The following AKAP8L variants were observed in gnomAD, a reference collection of about 807,000 sequenced individuals.
The protein encoded by AKAP8L is A-kinase anchoring protein 8 like.
A neutral mutation model predicts 77.5 loss-of-function variants in AKAP8L; 34 were observed. The observed-to-expected ratio is 0.44, with a 90% confidence interval of 0.33 to 0.58. The LOEUF is 0.58. AKAP8L is among the 20% of genes least tolerant of loss of function. AKAP8L has a pLI of 0.02. For missense variants in AKAP8L, 806 were observed against 887.6 expected, an observed-to-expected ratio of 0.91 and a Z score of 1.17; for synonymous variants, 342 against 340.7, an observed-to-expected ratio of 1.00 and a Z score of -0.04.
At chr19:15,413,555 G>A (rs947995698) in intron 1 of AKAP8L, among the ~76,000 whole-genome samples, 2 of 152,184 alleles carry the variant, frequency 1.3e-5, no homozygotes, top group Non-Finnish European at 2.9e-5. Context: ...ATTCCTTCCA[G>A]GGATCTGGAC....
At position 15,418,259 on chromosome 19, in the gene AKAP8L, A is replaced by C. The variant is rs575926453; in HGVS notation, c.13+652T>G. The stretch of plus-strand genomic sequence containing the variant: ...TTGAGGAATTCTTGTCTGTATTCCC[A>C]ATACCCAGTCTGTACCGGACACGGT... On this transcript the variant is annotated intron_variant, in intron 1 of 13. Coordinates refer to ENST00000397410, the MANE Select transcript of AKAP8L (RefSeq NM_014371.4). Among the ~76,000 whole-genome samples the C allele has an allele frequency of 1.1e-3, 168 of 152,346 alleles. 2 individuals carry two copies. The highest frequency in any genetic ancestry group is 2.2e-3 in the Non-Finnish European group (152 of 68,038).
intron 12 of AKAP8L, among the ~76,000 whole-genome samples, chr19:15,385,996 C>T (rs934636905): frequency 2.6e-5 from 4 of 151,618 alleles, no homozygotes; most frequent in African/African-American, 4.9e-5. Context: ...CTGCAACCTC[C>T]GCCTCCTGGG....
Position 15,401,055 on chromosome 19 carries a change from G to C in AKAP8L, c.817-12C>G, listed in dbSNP as rs200218882. ...TTCTTCTTCTTGGTCTGGGTCATAA[G>C]GGGGGGAAGCCGTGTCAGGGTGCAT... On this transcript the variant is annotated splice_polypyrimidine_tract_variant and intron_variant, in intron 5 of 13. Coordinates refer to ENST00000397410, the MANE Select transcript of AKAP8L (RefSeq NM_014371.4). The surrounding 1 kb of genome is among the most constrained non-coding windows in gnomAD (Gnocchi z 6.2). 29 of 1,611,052 alleles carry C rather than the reference G, an allele frequency of 1.8e-5. No homozygotes were observed. The highest frequency in any genetic ancestry group is 9.9e-5 in the South Asian group (9 of 91,070).
At chr19:15,413,458 G>A (rs1968144952) in intron 1 of AKAP8L, among the ~76,000 whole-genome samples, 1 of 152,168 alleles carries the variant, frequency 6.6e-6, no homozygotes, top group Admixed American at 6.5e-5. Context: ...AGTAGGGACT[G>A]GGACTTGAGG....
chr19:15,412,149 A>C (rs938694291), intron 1 of AKAP8L, among the ~76,000 whole-genome samples: 3 of 152,214 alleles, frequency 2.0e-5, no homozygotes, highest in African/African-American at 7.2e-5. Flanking sequence ...CAGAGGTTGC[A>C]GTGAGCCAAA....
intron 12 of AKAP8L, among the ~76,000 whole-genome samples, chr19:15,385,471 G>A (rs192022599): frequency 1.1e-4 from 17 of 151,974 alleles, no homozygotes; most frequent in Non-Finnish European, 8.8e-5. Context: ...ATGAGCCACC[G>A]CGCCCGGCAA....
At chr19:15,390,114 T>TA (rs1000285549) in intron 12 of AKAP8L, among the ~76,000 whole-genome samples, 6 of 150,878 alleles carry the variant, frequency 4.0e-5, no homozygotes, top group Admixed American at 6.6e-5. Context: ...TTAATAATAA[T>TA]AAAAAAAAAC....
At position 15,399,531 on chromosome 19, in the gene AKAP8L, G is replaced by A. The variant is rs562293393; in HGVS notation, c.1049-121C>T. 28 of 761,682 alleles carry A rather than the reference G, an allele frequency of 3.7e-5. No individual in the cohort carries two copies. The African/African-American group carries it at 4.3e-4, about 12-fold the overall frequency. 47.2% of individuals were successfully genotyped at this position (761,682 alleles called of 1,614,324 possible). A position where few individuals can be genotyped will look rare whatever the true frequency, so the allele number is the denominator to read the frequency against. ...GGGTCCATCGAGAATAGCTGTCCAA[G>A]CAAGGCCTCTGGCCATGAGCAGGGC... On this transcript the variant is annotated intron_variant, in intron 8 of 13. Coordinates refer to ENST00000397410, the MANE Select transcript of AKAP8L (RefSeq NM_014371.4). This position sits in a 1 kb window ranked among gnomAD's most constrained non-coding sequence, Gnocchi z 6.1.
In AKAP8L at chr19:15,398,540, C is replaced by A; in HGVS notation, c.1158-685G>T. On this transcript the variant is annotated intron_variant, in intron 9 of 13. Coordinates refer to ENST00000397410, the MANE Select transcript of AKAP8L (RefSeq NM_014371.4). This position sits in a 1 kb window ranked among gnomAD's most constrained non-coding sequence, Gnocchi z 9.2. ...CTGGGCCTGGTGTCCACAGTAGAAG[C>A]CCGGGGTCTGGGGCCTGGGCCGGAG... 1 of 981,356 alleles carries A rather than the reference C, an allele frequency of 1.0e-6. No homozygotes were observed. Among genetic ancestry groups the A allele is most frequent in the Non-Finnish European group, 1.2e-6 (1 of 825,894 alleles). The allele number at this position is 981,356 out of a possible 1,614,324, so 60.8% of individuals were successfully genotyped here. A position where few individuals can be genotyped will look rare whatever the true frequency, so the allele number is the denominator to read the frequency against.
At chr19:15,405,868 G>A (rs1215977228) in intron 2 of AKAP8L, among the ~76,000 whole-genome samples, 1 of 151,908 alleles carries the variant, frequency 6.6e-6, no homozygotes, top group Non-Finnish European at 1.5e-5. Context: ...GTTGCAGCGA[G>A]CCAAGATTGC....
chr19:15,387,208 A>G (rs1240653513), intron 12 of AKAP8L, among the ~76,000 whole-genome samples: 1 of 152,188 alleles, frequency 6.6e-6, no homozygotes, highest in Non-Finnish European at 1.5e-5. Flanking sequence ...ACCTCCTCCC[A>G]TGTCTCTCCT....
At chr19:15,380,699 A>ACCCCG in intron 12 of AKAP8L, 87 bp from the exon 13 acceptor site, 2 of 1,248,636 alleles carry the variant, frequency 1.6e-6, no homozygotes, top group Non-Finnish European at 2.3e-6. Context: ...GAGGGACCCC[A>ACCCCG]CCCCGCCCCT....
intron 12 of AKAP8L, among the ~76,000 whole-genome samples, chr19:15,396,197 AGAT>A (rs1967772748): frequency 6.6e-6 from 1 of 152,064 alleles, no homozygotes; most frequent in African/African-American, 2.4e-5. Context: ...GCATGGAAGA[AGAT>A]GGAGAAATGC....
chr19:15,384,902 G>A (rs993278945), intron 12 of AKAP8L, among the ~76,000 whole-genome samples: 11 of 151,534 alleles, frequency 7.3e-5, no homozygotes, highest in Non-Finnish European at 1.0e-4. Flanking sequence ...ACGGAGTCTC[G>A]CTTTGTCGCC....
chr19:15,393,316 G>A (rs1047958900), intron 12 of AKAP8L, among the ~76,000 whole-genome samples: 1 of 152,052 alleles, frequency 6.6e-6, no homozygotes, highest in Admixed American at 6.6e-5. Context: ...CAAAGCATAA[G>A]CAATAAAAGA....
intron 12 of AKAP8L, among the ~76,000 whole-genome samples, chr19:15,388,777 G>T (rs1217797046): frequency 6.6e-6 from 1 of 151,702 alleles, no homozygotes; most frequent in Non-Finnish European, 1.5e-5. Flanking sequence ...TTAGCCGGGC[G>T]TGGTGGCGGG....
chr19:15,396,878 T>C (rs1373075292), intron 12 of AKAP8L, among the ~76,000 whole-genome samples: 1 of 152,238 alleles, frequency 6.6e-6, no homozygotes, highest in Non-Finnish European at 1.5e-5. Context: ...CATCTCCATT[T>C]GGTTTCTGAA....
Position 15,397,300 on chromosome 19 carries a change from G to C in AKAP8L, c.1406-20C>G. The C allele has an allele frequency of 6.2e-7, 1 of 1,613,582 alleles. No homozygotes were observed. Among genetic ancestry groups the C allele is most frequent in the Non-Finnish European group, 8.5e-7 (1 of 1,179,696 alleles). ...CAATTTCTGTAGTGGGGAGGAGGGAGTCACCACTGGGCCCAGGTGCCTAAG... is the reference window on the plus strand; with the variant it reads ...CAATTTCTGTAGTGGGGAGGAGGGACTCACCACTGGGCCCAGGTGCCTAAG... On this transcript the variant is annotated intron_variant, in intron 11 of 13. Coordinates refer to ENST00000397410, the MANE Select transcript of AKAP8L (RefSeq NM_014371.4). This position sits in a 1 kb window ranked among gnomAD's most constrained non-coding sequence, Gnocchi z 4.7.
chr19:15,394,760 T>C (rs1967734248), intron 12 of AKAP8L, among the ~76,000 whole-genome samples: 1 of 152,154 alleles, frequency 6.6e-6, no homozygotes, highest in Non-Finnish European at 1.5e-5. Context: ...CAGTATGTGA[T>C]TCTATCTCAG....
Sources: gnomAD v4.1 joint callset for allele counts (sites outside exome capture counted in the v4.1 genomes callset) on GRCh38, gnomAD v4.1.1 for gene constraint, Gnocchi (gnomAD v3.1) non-coding constraint, MANE v1.5 for transcripts, NCBI Gene and HGNC (gene_info 2026-07-23, HGNC 2026-07-21) for gene names.